The following PTCH2 variants were observed in gnomAD, a reference collection of about 807,000 sequenced individuals.
PTCH2 encodes protein patched homolog 2.
Under a neutral mutation model 117.9 loss-of-function variants are expected in PTCH2, and 96 were observed. The ratio of observed to expected loss-of-function variants is 0.81; its 90% confidence interval spans 0.69 to 0.96. The LOEUF (loss-of-function observed/expected upper bound fraction) is 0.96, where lower values mean the gene tolerates loss of function less well. PTCH2 is among the 50% of genes least tolerant of loss of function. PTCH2 has a pLI of 0.00. For synonymous variants in PTCH2, 615 were observed against 660.9 expected (o/e 0.93, Z 1.06); for missense variants, 1,379 against 1,562.5 (o/e 0.88, Z 1.98).
intron 1 of PTCH2, among the ~76,000 whole-genome samples, chr1:44,842,467 CAG>C (rs1275964565): frequency 1.3e-5 from 2 of 151,942 alleles, no homozygotes; most frequent in South Asian, 2.1e-4. Context: ...TTAGTAGAGA[CAG>C]AGTTTCCCCA....
At position 44,822,388 on chromosome 1, in the gene PTCH2, C is replaced by T. The variant is rs1652943729; in HGVS notation, c.*27G>A. ...TCCCAGTGACCCCACACGCCCCACA[C>T]ATGGTCTCTGTGCTTCAGCTGCTCT... On this transcript the variant is annotated 3_prime_UTR_variant, in exon 22 of 22. Transcript: ENST00000372192. The T allele has an allele frequency of 6.2e-7, 1 of 1,613,076 alleles. No homozygotes were observed. The highest frequency in any genetic ancestry group is 1.7e-5 in the Admixed American group (1 of 60,002).
chr1:44,842,929 T>G lies in PTCH2; in HGVS notation c.4A>C (p.Thr2Pro). 1.3e-6 allele frequency: 2 copies of G among 1,544,782 alleles called. No individual in the cohort carries two copies. The highest frequency in any genetic ancestry group is 1.7e-6 in the Non-Finnish European group (2 of 1,144,364). The change falls in exon 1 of 22, where the codon ACT (threonine) becomes CCT (proline). Residue 2 changes from threonine (T) to proline (P), a missense_variant. Transcript: ENST00000372192. MTRSPPLRELPP... is the reference protein window; with the variant it reads MPRSPPLRELPP... ...AGCTCTCTGAGGGGCGGCGATCGAGTCATGCTGGCGGGGATGGGGGGCGCG... is the reference window on the plus strand; with the variant it reads ...AGCTCTCTGAGGGGCGGCGATCGAGGCATGCTGGCGGGGATGGGGGGCGCG...
At chr1:44,839,836 G>A (rs567599203) in intron 2 of PTCH2, among the ~76,000 whole-genome samples, 19 of 152,266 alleles carry the variant, frequency 1.2e-4, no homozygotes, top group African/African-American at 4.1e-4. Flanking sequence ...GCAGGGCTGG[G>A]GGTAGGTAGG....
chr1:44,822,593 G>A lies in PTCH2; in HGVS notation c.3434C>T (p.Ala1145Val), dbSNP rs747078467. 1 of 1,614,016 alleles carries A rather than the reference G, an allele frequency of 6.2e-7. No individual in the cohort carries two copies. Among genetic ancestry groups the A allele is most frequent in the Non-Finnish European group, 8.5e-7 (1 of 1,179,960 alleles). Reference protein sequence around the residue: ...APQGGGLRWGASSSLPQSFAR... With the variant: ...APQGGGLRWGVSSSLPQSFAR... The stretch of plus-strand genomic sequence containing the variant: ...AAAGCTCTGGGGCAGGGAGGAGGAT[G>A]CCCCCCACCTAAGCCCGCCTCCCTG... Residue 1145 changes from alanine to valine, a missense_variant, in exon 22 of 22, where the codon GCA becomes GTA. Ala to Val is a moderately conservative substitution (Grantham distance 64). Coordinates refer to ENST00000372192, the MANE Select transcript of PTCH2 (RefSeq NM_003738.5).
chr1:44,841,095 G>A (rs545577616), intron 2 of PTCH2, among the ~76,000 whole-genome samples: 9 of 151,700 alleles, frequency 5.9e-5, no homozygotes, highest in Admixed American at 5.9e-4. Flanking sequence ...ACTTGAACCC[G>A]GGAAGTGAGG....
chr1:44,823,067 A>G lies in PTCH2; in HGVS notation c.3357+2T>C. The G allele has an allele frequency of 1.2e-6, 2 of 1,612,544 alleles. No homozygotes were observed. Among genetic ancestry groups the G allele is most frequent in the African/African-American group, 2.7e-5 (2 of 74,976 alleles). On this transcript the variant is annotated splice_donor_variant, in intron 21 of 21. Transcript: ENST00000372192. LOFTEE classifies it high-confidence loss of function. This position sits in a 1 kb window ranked among gnomAD's most constrained non-coding sequence, Gnocchi z 5.1. ...GAGGGATGGTGCCGAGGGTGTGGTC[A>G]CCTCTGGCGGCGGGCCCAGGATGGA...
intron 2 of PTCH2, among the ~76,000 whole-genome samples, chr1:44,836,463 A>G (rs1298472139): frequency 1.3e-5 from 2 of 152,156 alleles, no homozygotes; most frequent in Non-Finnish European, 2.9e-5. Context: ...CAATCCCAGC[A>G]CTTTGGGAGG....
downstream of PTCH2, chr1:44,820,140 G>C (rs181872399): frequency 2.9e-6 from 1 of 347,424 alleles, no homozygotes; most frequent in Non-Finnish European, 5.7e-6. Flanking sequence ...CTAAAACAGT[G>C]CAGAAATGCG....
At position 44,826,725 on chromosome 1, in the gene PTCH2, C is replaced by T. The variant is rs1331215521; in HGVS notation, c.2739G>A (p.Leu913=). ...QPLEFAQFPF[L]LRGLQKTADF... is the part of the protein sequence containing the mutation. The stretch of plus-strand genomic sequence containing the variant: ...CTGCAGTCTTCTGGAGGCCACGCAG[C>T]AGGAAGGGGAACTGGGCAAACTCCA... Residue 913 remains leucine, a synonymous_variant, in exon 18 of 22, where the codon CTG becomes CTA. Coordinates refer to ENST00000372192, the MANE Select transcript of PTCH2 (RefSeq NM_003738.5). This position sits in a 1 kb window ranked among gnomAD's most constrained non-coding sequence, Gnocchi z 5.1. 1.3e-6 allele frequency: 2 copies of T among 1,595,446 alleles called. No homozygotes were observed. Among genetic ancestry groups the T allele is most frequent in the South Asian group, 2.2e-5 (2 of 89,356 alleles).
downstream of PTCH2, chr1:44,820,303 C>T: frequency 2.1e-6 from 1 of 481,172 alleles, no homozygotes; most frequent in South Asian, 1.5e-5. Flanking sequence ...TGCTGGTCCT[C>T]CTGGGACCCG....
chr1:44,830,985 C>T lies in PTCH2; in HGVS notation c.676G>A (p.Gly226Ser). 2 of 1,612,508 alleles carry T rather than the reference C, an allele frequency of 1.2e-6. No homozygotes were observed. Among genetic ancestry groups the T allele is most frequent in the Middle Eastern group, 1.9e-4 (1 of 5,344 alleles). Residue 226 changes from glycine to serine, a missense_variant, in exon 6 of 22, where the codon GGT becomes AGT. Gly to Ser is a moderately conservative substitution (Grantham distance 56, BLOSUM62 0). Coordinates refer to ENST00000372192, the MANE Select transcript of PTCH2 (RefSeq NM_003738.5). The stretch of plus-strand genomic sequence containing the variant: ...AAGCCCTCAAGGGAGGCAAAGGGAC[C>T]CAGCTCCTCCAGCAGCTGCTCTGGA... ...LDPEQLLEEL[G>S]PFASLEGFRE... is the part of the protein sequence containing the mutation.
rs1272978571 is a variant in PTCH2 at position 44,829,489 on chromosome 1, A to G, written c.1128T>C (p.His376=). ...CATCCAGGGTGGTGGAGGAGAAGGCATGGATCTGCTGGGAAGCGTTCTCAG... is the reference window on the plus strand; with the variant it reads ...CATCCAGGGTGGTGGAGGAGAAGGCGTGGATCTGCTGGGAAGCGTTCTCAG... ...ALPENASQQI[H]AFSSTTLDDI... is the part of the protein sequence containing the mutation. The change falls in exon 9 of 22, where the codon CAT becomes CAC. Residue 376 remains histidine, a synonymous_variant. Transcript: ENST00000372192. 5 of 1,614,222 alleles carry G rather than the reference A, an allele frequency of 3.1e-6. No homozygotes were observed. Among genetic ancestry groups the G allele is most frequent in the Non-Finnish European group, 4.2e-6 (5 of 1,180,042 alleles).
chr1:44,827,453 C>A lies in PTCH2; in HGVS notation c.2320G>T (p.Ala774Ser), dbSNP rs779966599. 6.2e-7 allele frequency: 1 copy of A among 1,614,064 alleles called. No homozygotes were observed. Among genetic ancestry groups the A allele is most frequent in the South Asian group, 1.1e-5 (1 of 91,082 alleles). The change falls in exon 15 of 22, where the codon GCC becomes TCC. Residue 774 changes from alanine to serine, a missense_variant. By Grantham distance (99) the Ala-to-Ser change is moderately conservative. Coordinates refer to ENST00000372192, the MANE Select transcript of PTCH2 (RefSeq NM_003738.5). ...AGCCAGGTGCGGGGTGCCTGGGTGG[C>A]CGGTGGGGGCAGCACCGCCTTGAGG... is the stretch of plus-strand genomic sequence containing the variant. The part of the protein sequence containing the change: ...SSLKAVLPPP[A>S]TQAPRTWLHY...
In PTCH2 at chr1:44,832,244, C is replaced by T. The variant is rs2148880320; in HGVS notation, c.363G>A (p.Gln121=). ...CGGGTGTGAGGATGTTCTCTCCCTCCTGGCGTGCGGTCTGTATCAGCATCT... is the reference window on the plus strand; with the variant it reads ...CGGGTGTGAGGATGTTCTCTCCCTCTTGGCGTGCGGTCTGTATCAGCATCT... ...TSQMLIQTAR[Q]EGENILTPEA... is the part of the protein sequence containing the mutation. The change falls in exon 3 of 22, where the codon CAG becomes CAA. Residue 121 remains glutamine (Q), a synonymous_variant. Coordinates refer to ENST00000372192, the MANE Select transcript of PTCH2 (RefSeq NM_003738.5). The T allele has an allele frequency of 6.2e-7, 1 of 1,614,202 alleles. No homozygotes were observed. The highest frequency in any genetic ancestry group is 8.5e-7 in the Non-Finnish European group (1 of 1,180,028).
At position 44,831,768 on chromosome 1, in the gene PTCH2, G is replaced by T. The variant is rs1329291766; in HGVS notation, c.555C>A (p.Ile185=). ...CCCAGAAGCAGTCGAGGGGGGTGAG[G>T]ATCACGCACGGAAACAGCTTCTCAA... The part of the protein sequence containing the change: ...RMIEKLFPCV[I]LTPLDCFWEG... Residue 185 remains isoleucine, a synonymous_variant, in exon 5 of 22, where the codon ATC becomes ATA. Coordinates refer to ENST00000372192, the MANE Select transcript of PTCH2 (RefSeq NM_003738.5). The surrounding 1 kb of genome is among the most constrained non-coding windows in gnomAD (Gnocchi z 4.3). 1.6e-5 allele frequency: 25 copies of T among 1,592,806 alleles called. 2 individuals carry two copies. The highest frequency in any genetic ancestry group is 2.1e-5 in the Non-Finnish European group (24 of 1,169,584).
chr1:44,827,102 TG>T lies in PTCH2; in HGVS notation c.2515-21del, dbSNP rs1653187628. On this transcript the variant is annotated intron_variant, in intron 16 of 21. Transcript: ENST00000372192. The stretch of plus-strand genomic sequence containing the variant: ...GGTCAGCTGCAGAGGCAGAGAGGGC[TG>T]AAGGCCTGGGCCCAGGAGGCCTGCA... 2 of 1,613,932 alleles carry T rather than the reference TG, an allele frequency of 1.2e-6. No homozygotes were observed. Among genetic ancestry groups the T allele is most frequent in the Non-Finnish European group, 1.7e-6 (2 of 1,179,924 alleles).
At chr1:44,820,385 C>T, downstream of PTCH2, 1 of 603,694 alleles carries the variant, frequency 1.7e-6, no homozygotes, top group African/African-American at 1.8e-5. Flanking sequence ...AAGGTCCTGT[C>T]CCGCCGTCCT....
At chr1:44,842,128 C>A in intron 1 of PTCH2, 89 bp from the exon 2 acceptor site, 1 of 1,308,702 alleles carries the variant, frequency 7.6e-7, no homozygotes, top group Non-Finnish European at 1.1e-6. Flanking sequence ...GCTGCCCAGC[C>A]CTCGCTTCTT....
intron 21 of PTCH2, 97 bp from the exon 22 acceptor site, chr1:44,822,766 G>A (rs1652964645): frequency 1.5e-6 from 2 of 1,352,952 alleles, no homozygotes; most frequent in African/African-American, 1.4e-5. Context: ...TTGGGAAGCT[G>A]GGGCCCTTGT....
Sources: gnomAD v4.1 joint callset for allele counts (sites outside exome capture counted in the v4.1 genomes callset) on GRCh38, gnomAD v4.1.1 for gene constraint, Gnocchi (gnomAD v3.1) non-coding constraint, MANE v1.5 for transcripts, NCBI Gene and HGNC (gene_info 2026-07-23, HGNC 2026-07-21) for gene names.